GBP7: variants seen among roughly 807,000 people sequenced by gnomAD.
GBP7 encodes guanylate-binding protein 7.
Under a neutral mutation model 61.3 loss-of-function variants are expected in GBP7, and 43 were observed. The ratio of observed to expected loss-of-function variants is 0.70; its 90% confidence interval spans 0.55 to 0.91. The LOEUF (loss-of-function observed/expected upper bound fraction) is 0.91. Ranked by LOEUF, GBP7 falls within the 40% of genes least tolerant of loss-of-function variation. The pLI is 0.00. For synonymous variants in GBP7, 267 were observed against 271.0 expected, an observed-to-expected ratio of 0.99 and a Z score of 0.14; for missense variants, 717 against 740.5, an observed-to-expected ratio of 0.97 and a Z score of 0.37.
chr1:89,138,205 C>G (rs1681852559), intron 9 of GBP7, among the ~76,000 whole-genome samples: 1 of 152,078 alleles, frequency 6.6e-6, no homozygotes, highest in African/African-American at 2.4e-5. Context: ...TAGGAAGAAT[C>G]AATGTTGTTA....
At chr1:89,158,387 G>T (rs1029965264) in intron 3 of GBP7, among the ~76,000 whole-genome samples, 9 of 152,142 alleles carry the variant, frequency 5.9e-5, no homozygotes, top group Non-Finnish European at 1.2e-4. Flanking sequence ...AGGAAATAAA[G>T]GGTATTCAGT....
At chr1:89,154,115 TA>T (rs1391848254) in intron 3 of GBP7, among the ~76,000 whole-genome samples, 2 of 152,224 alleles carry the variant, frequency 1.3e-5, no homozygotes, top group Non-Finnish European at 2.9e-5. Context: ...GGCCAACAAG[TA>T]ATTTTGCTTC....
At chr1:89,173,517 GATA>G (rs1647661783) in intron 1 of GBP7, among the ~76,000 whole-genome samples, 1 of 152,106 alleles carries the variant, frequency 6.6e-6, no homozygotes. Context: ...TTTCAAAATT[GATA>G]ATAAGTCTGT....
chr1:89,133,488 CA>C, intron 9 of GBP7, 37 bp from the exon 10 acceptor site: 3 of 1,574,514 alleles, frequency 1.9e-6, no homozygotes, highest in Non-Finnish European at 2.6e-6. Context: ...AAGAAAATAA[CA>C]GTCAGGTGGG....
chr1:89,161,596 T>C (rs1402606944), intron 3 of GBP7, among the ~76,000 whole-genome samples: 1 of 152,180 alleles, frequency 6.6e-6, no homozygotes, highest in African/African-American at 2.4e-5. Context: ...TGTCTGTTCA[T>C]GTCTTTTGCC....
intron 3 of GBP7, among the ~76,000 whole-genome samples, chr1:89,157,934 C>T (rs1277591082): frequency 6.6e-6 from 1 of 152,264 alleles, no homozygotes; most frequent in Non-Finnish European, 1.5e-5. Flanking sequence ...ACAAATATCC[C>T]TGATGAACAT....
At chr1:89,161,979 T>G (rs1467631160) in intron 3 of GBP7, among the ~76,000 whole-genome samples, 2 of 152,156 alleles carry the variant, frequency 1.3e-5, no homozygotes, top group Non-Finnish European at 2.9e-5. Flanking sequence ...ATTTCAATCT[T>G]CTGCATATGG....
intron 3 of GBP7, among the ~76,000 whole-genome samples, chr1:89,163,790 G>T (rs937721036): frequency 2.0e-5 from 3 of 151,704 alleles, no homozygotes; most frequent in Non-Finnish European, 4.4e-5. Flanking sequence ...CAGTAAATTG[G>T]GTAAAAATTT....
At position 89,167,499 on chromosome 1, in the gene GBP7, T is replaced by TA. The variant is rs556306947; in HGVS notation, c.191-2642dup. ...TTTTGTTTGGTCTGCCTGCTTGATT[T>TA]AAAAATTTGGTGAATTGAGTGTTTT... On this transcript the variant is annotated intron_variant, in intron 2 of 10. Transcript: ENST00000294671. 5.3e-5 allele frequency among the ~76,000 whole-genome samples: 8 copies of TA among 152,342 alleles called. No homozygotes were observed. The South Asian group carries it at 1.7e-3, about 32-fold the overall frequency.
intron 9 of GBP7, among the ~76,000 whole-genome samples, chr1:89,137,887 G>A (rs1681843033): frequency 6.6e-6 from 1 of 151,962 alleles, no homozygotes; most frequent in South Asian, 2.1e-4. Context: ...ATAGAATTCT[G>A]TAGTTAGAAA....
In GBP7 at chr1:89,149,420, C is replaced by T. The variant is rs1228627297; in HGVS notation, c.1024G>A (p.Val342Met). ...NHYSQQMAQQ[V>M]RFPTDTLQEL... Reference sequence around the variant, plus strand: ...TGGAGTGTGTCTGTGGGGAATCTCACTTGCTGGGCCATCTGCTGGCTGTAG... The same window carrying T: ...TGGAGTGTGTCTGTGGGGAATCTCATTTGCTGGGCCATCTGCTGGCTGTAG... Residue 342 changes from valine (V) to methionine (M), a missense_variant, in exon 7 of 11, where the codon GTG (valine) becomes ATG (methionine). Physicochemically the swap from Val to Met is conservative, Grantham distance 21. Transcript: ENST00000294671. The T allele has an allele frequency of 5.6e-6, 9 of 1,614,206 alleles. No homozygotes were observed. The highest frequency in any genetic ancestry group is 3.3e-5 in the South Asian group (3 of 91,088).
chr1:89,153,775 A>G (rs1215423470), intron 3 of GBP7, among the ~76,000 whole-genome samples: 1 of 152,230 alleles, frequency 6.6e-6, no homozygotes, highest in East Asian at 1.9e-4. Flanking sequence ...GAAGGAAGGA[A>G]AATAAAGAGA....
chr1:89,165,437 GATT>G (rs1474552952), intron 2 of GBP7, among the ~76,000 whole-genome samples: 1 of 150,772 alleles, frequency 6.6e-6, no homozygotes, highest in East Asian at 1.9e-4. Context: ...GAGGCAGAGA[GATT>G]GCAGTGAGCT....
At chr1:89,144,196 A>G (rs1261466626) in intron 8 of GBP7, among the ~76,000 whole-genome samples, 4 of 152,178 alleles carry the variant, frequency 2.6e-5, no homozygotes, top group African/African-American at 7.2e-5. Context: ...TTTTTCTGCA[A>G]ACGACATGAT....
chr1:89,166,222 C>T (rs562477095), intron 2 of GBP7, among the ~76,000 whole-genome samples: 27 of 152,236 alleles, frequency 1.8e-4, no homozygotes, highest in South Asian at 4.1e-4. Flanking sequence ...ACAAGAGGTC[C>T]GGGTACTGGG....
intron 9 of GBP7, among the ~76,000 whole-genome samples, chr1:89,138,618 G>A (rs1294515974): frequency 6.6e-6 from 1 of 152,122 alleles, no homozygotes; most frequent in African/African-American, 2.4e-5. Context: ...GGGTTAACTG[G>A]CTAGCTATAT....
intron 9 of GBP7, among the ~76,000 whole-genome samples, chr1:89,136,886 T>A (rs1227856567): frequency 2.6e-5 from 4 of 151,518 alleles, no homozygotes; most frequent in Admixed American, 2.6e-4. Context: ...GAAAAATACA[T>A]AAGATGGATA....
intron 3 of GBP7, among the ~76,000 whole-genome samples, chr1:89,162,284 TA>T (rs1647295687): frequency 6.6e-6 from 1 of 152,226 alleles, no homozygotes; most frequent in South Asian, 2.1e-4. Flanking sequence ...ATGAATTTTT[TA>T]AAAACAGTTT....
chr1:89,141,735 A>G, intron 8 of GBP7, 87 bp from the exon 9 acceptor site: 1 of 1,006,126 alleles, frequency 9.9e-7, no homozygotes, highest in Non-Finnish European at 1.6e-6. Context: ...AAAGCCACAA[A>G]TCTAACCTTG....
Sources: gnomAD v4.1 joint callset for allele counts (sites outside exome capture counted in the v4.1 genomes callset) on GRCh38, gnomAD v4.1.1 for gene constraint, MANE v1.5 for transcripts, NCBI Gene and HGNC (gene_info 2026-07-23, HGNC 2026-07-21) for gene names.